Variants in PSEN1 observed in about 807,000 individuals in gnomAD.
The protein encoded by PSEN1 is presenilin 1.
A neutral mutation model predicts 53.5 loss-of-function variants in PSEN1; 15 were observed. That is an observed-to-expected ratio of 0.28 (90% CI 0.19 to 0.43). The LOEUF (loss-of-function observed/expected upper bound fraction) is 0.43. Among genes scored for constraint, PSEN1 ranks in the 20% least tolerant of loss-of-function variants. The pLI is 1.00. For synonymous variants in PSEN1, 208 were observed against 209.8 expected, an observed-to-expected ratio of 0.99 and a Z score of 0.08; for missense variants, 387 against 571.2, an observed-to-expected ratio of 0.68 and a Z score of 3.29.
At chr14:73,171,876 C>CA (rs1279326441) in intron 4 of PSEN1, among the ~76,000 whole-genome samples, 1 of 152,226 alleles carries the variant, frequency 6.6e-6, no homozygotes. Flanking sequence ...GTTAAATCCT[C>CA]AAAGATAACA....
At chr14:73,217,775 C>T (rs1899973245) in intron 11 of PSEN1, among the ~76,000 whole-genome samples, 1 of 151,332 alleles carries the variant, frequency 6.6e-6, no homozygotes, top group South Asian at 2.1e-4. Flanking sequence ...AGCATGAACC[C>T]TGAAGCTTTC....
chr14:73,164,087 C>G (rs550413121), intron 3 of PSEN1, among the ~76,000 whole-genome samples: 5 of 152,088 alleles, frequency 3.3e-5, no homozygotes, highest in Non-Finnish European at 7.4e-5. Context: ...CAGATAGATC[C>G]AGGAGATGTT....
rs56754992 is a variant in PSEN1 at position 73,151,894 on chromosome 14, ATTTTTTTTTTTTTTTT to A, written c.87+3808_87+3823del. On this transcript the variant is annotated intron_variant, in intron 3 of 11. Coordinates refer to ENST00000324501, the MANE Select transcript of PSEN1 (RefSeq NM_000021.4). ...TAAAATATTTTATATATATATATAT[ATTTTTTTTTTTTTTTT>A]TTTTTTTTTTTTTTTTTTTGAGACG... 3.8e-4 allele frequency among the ~76,000 whole-genome samples: 15 copies of A among 38,978 alleles called. No homozygotes were observed. The East Asian group carries it at 4.5e-3, about 12-fold the overall frequency. 25.6% of individuals were successfully genotyped at this position (38,978 alleles called of 152,430 possible).
chr14:73,155,588 G>A (rs1377194169), intron 3 of PSEN1, among the ~76,000 whole-genome samples: 1 of 152,000 alleles, frequency 6.6e-6, no homozygotes, highest in Non-Finnish European at 1.5e-5. Context: ...AGTGCAGCCT[G>A]TAAGTCCTGG....
rs1899695567 is a variant in PSEN1 at position 73,211,803 on chromosome 14, G to C, written c.990G>C (p.Glu330Asp). The C allele has an allele frequency of 6.2e-7, 1 of 1,614,156 alleles. No homozygotes were observed. The highest frequency in any genetic ancestry group is 1.3e-5 in the African/African-American group (1 of 75,036). Reference sequence around the variant, plus strand: ...GGGAGTCACAAGACACTGTTGCAGAGAATGATGATGGCGGGTTCAGTGAGG... The same window carrying C: ...GGGAGTCACAAGACACTGTTGCAGACAATGATGATGGCGGGTTCAGTGAGG... Reference protein sequence around the residue: ...TERESQDTVAENDDGGFSEEW... With the variant: ...TERESQDTVADNDDGGFSEEW... The change falls in exon 10 of 12, where the codon GAG becomes GAC. Residue 330 changes from glutamate to aspartate, a missense_variant. Glu to Asp is a conservative substitution (Grantham distance 45). Transcript: ENST00000324501.
chr14:73,152,046 G>A (rs1275762833), intron 3 of PSEN1, among the ~76,000 whole-genome samples: 2 of 150,186 alleles, frequency 1.3e-5, no homozygotes, highest in Non-Finnish European at 3.0e-5. Context: ...CAAGTAGCTG[G>A]GACTACAGGC....
At chr14:73,165,218 A>C (rs1235847053) in intron 3 of PSEN1, among the ~76,000 whole-genome samples, 1 of 152,090 alleles carries the variant, frequency 6.6e-6, no homozygotes, top group African/African-American at 2.4e-5. Context: ...AGCCTCCCAG[A>C]GTGCTGGGAT....
At chr14:73,197,452 T>C (rs1210503451) in intron 7 of PSEN1, among the ~76,000 whole-genome samples, 1 of 152,218 alleles carries the variant, frequency 6.6e-6, no homozygotes, top group Non-Finnish European at 1.5e-5. Context: ...AGAGTTATTA[T>C]TGTGTTTTAT....
chr14:73,142,793 T>C (rs1417756330), intron 1 of PSEN1, among the ~76,000 whole-genome samples: 1 of 152,210 alleles, frequency 6.6e-6, no homozygotes, highest in Non-Finnish European at 1.5e-5. Flanking sequence ...TTGTATATAA[T>C]AGATAAATGC....
At chr14:73,186,453 C>T (rs2140079162) in intron 5 of PSEN1, among the ~76,000 whole-genome samples, 1 of 152,174 alleles carries the variant, frequency 6.6e-6, no homozygotes, top group African/African-American at 2.4e-5. Context: ...TGGCCTTTGC[C>T]AAATTGTACT....
At chr14:73,153,706 T>C (rs1447725431) in intron 3 of PSEN1, among the ~76,000 whole-genome samples, 2 of 150,594 alleles carry the variant, frequency 1.3e-5, no homozygotes, top group Non-Finnish European at 2.9e-5. Context: ...ATTAATACAT[T>C]TTCTTTCCTT....
chr14:73,169,391 A>T (rs1041929733), intron 3 of PSEN1: 1 of 152,048 alleles, frequency 6.6e-6, no homozygotes, highest in Non-Finnish European at 1.5e-5. Flanking sequence ...GAGGCCTGAG[A>T]TTTCATCCAT....
chr14:73,145,074 G>T (rs1407320367), intron 1 of PSEN1, among the ~76,000 whole-genome samples: 1 of 151,980 alleles, frequency 6.6e-6, no homozygotes, highest in Non-Finnish European at 1.5e-5. Flanking sequence ...TGTATATTTA[G>T]TATGGACAGG....
At chr14:73,163,861 G>A (rs1594986793) in intron 3 of PSEN1, among the ~76,000 whole-genome samples, 1 of 152,106 alleles carries the variant, frequency 6.6e-6, no homozygotes, top group East Asian at 1.9e-4. Flanking sequence ...TTTTGATTTT[G>A]TTATGAGCAT....
At chr14:73,175,886 A>T (rs902765580) in intron 5 of PSEN1, among the ~76,000 whole-genome samples, 4 of 152,228 alleles carry the variant, frequency 2.6e-5, no homozygotes, top group African/African-American at 4.8e-5. Context: ...CAAAAAGCTT[A>T]TATCAATTTG....
intron 6 of PSEN1, among the ~76,000 whole-genome samples, chr14:73,188,269 G>C (rs1013389964): frequency 6.6e-6 from 1 of 151,944 alleles, no homozygotes; most frequent in African/African-American, 2.4e-5. Flanking sequence ...TTGCAGAATC[G>C]TTCATTATAA....
intron 7 of PSEN1, 41 bp from the exon 8 acceptor site, chr14:73,197,990 A>G (rs1159836639): frequency 8.8e-7 from 1 of 1,133,210 alleles, no homozygotes; most frequent in East Asian, 2.3e-5. Flanking sequence ...AGTTTAGCCC[A>G]TACATTTTAT....
At chr14:73,218,703 C>T (rs1594759775) in intron 11 of PSEN1, among the ~76,000 whole-genome samples, 1 of 149,206 alleles carries the variant, frequency 6.7e-6, no homozygotes. Flanking sequence ...CATAGAGAAG[C>T]CCCCGCACAG....
chr14:73,201,339 G>A (rs1049485491), intron 8 of PSEN1, among the ~76,000 whole-genome samples: 1 of 152,164 alleles, frequency 6.6e-6, no homozygotes, highest in Admixed American at 6.5e-5. Context: ...GCCCGCCTCG[G>A]CCTCCCAAAG....
Sources: gnomAD v4.1 joint callset for allele counts (sites outside exome capture counted in the v4.1 genomes callset) on GRCh38, gnomAD v4.1.1 for gene constraint, MANE v1.5 for transcripts, NCBI Gene and HGNC (gene_info 2026-07-23, HGNC 2026-07-21) for gene names.